GBP6: variants seen among roughly 807,000 people sequenced by gnomAD.
GBP6 encodes the protein guanylate-binding protein 6.
Under a neutral mutation model 61.5 loss-of-function variants are expected in GBP6, and 54 were observed. The ratio of observed to expected loss-of-function variants is 0.88; its 90% CI spans 0.71 to 1.10. The LOEUF (loss-of-function observed/expected upper bound fraction) is 1.10, where lower values mean the gene tolerates loss of function less well. Among genes scored for constraint, GBP6 ranks in the 50% least tolerant of loss-of-function variants. GBP6 has a pLI of 0.00. For missense variants in GBP6, 748 were observed against 752.8 expected (o/e 0.99, Z 0.07); for synonymous variants, 255 against 273.7 (o/e 0.93, Z 0.67).
intron 3 of GBP6, among the ~76,000 whole-genome samples, chr1:89,370,415 A>C (rs938613761): frequency 2.6e-5 from 4 of 152,212 alleles, no homozygotes; most frequent in Admixed American, 2.6e-4. Flanking sequence ...AAGCTCATCA[A>C]TTACCCACAG....
At chr1:89,384,398 C>T (rs1653078320) in intron 10 of GBP6, 112 bp downstream of exon 10, 2 of 791,502 alleles carry the variant, frequency 2.5e-6, no homozygotes, top group African/African-American at 3.5e-5. Flanking sequence ...CCATTTGCTG[C>T]TTGGCAATCA....
In GBP6 at chr1:89,380,621, C is replaced by A; in HGVS notation, c.861C>A (p.Val287=). 1 of 1,613,440 alleles carries A rather than the reference C, an allele frequency of 6.2e-7. No homozygotes were observed. The highest frequency in any genetic ancestry group is 1.1e-5 in the South Asian group (1 of 90,998). The change falls in exon 6 of 11, where the codon GTC becomes GTA. Residue 287 remains valine (V), a synonymous_variant. Coordinates refer to ENST00000370456, the MANE Select transcript of GBP6 (RefSeq NM_198460.3). ...RTKTLREGIT[V]TGNRLGTLAV... Reference sequence around the variant, plus strand: ...AGACCCTCAGGGAGGGAATCACAGTCACTGGGAATCGTGAGTCTCCTTTTT... The same window carrying A: ...AGACCCTCAGGGAGGGAATCACAGTAACTGGGAATCGTGAGTCTCCTTTTT...
intron 5 of GBP6, among the ~76,000 whole-genome samples, chr1:89,379,351 G>T (rs1014273853): frequency 1.0e-4 from 14 of 136,120 alleles, no homozygotes; most frequent in Admixed American, 1.6e-4. Context: ...AACATTGGGG[G>T]GGGGGGGTCA....
intron 10 of GBP6, 94 bp downstream of exon 10, chr1:89,384,380 G>A (rs1653077515): frequency 3.1e-6 from 3 of 955,192 alleles, no homozygotes; most frequent in South Asian, 1.9e-5. Flanking sequence ...ATGAAAGGAA[G>A]CACATCACCA....
chr1:89,380,631 C>A lies in GBP6; in HGVS notation c.871C>A (p.Arg291Ser). 2 of 1,612,552 alleles carry A rather than the reference C, an allele frequency of 1.2e-6. No homozygotes were observed. The highest frequency in any genetic ancestry group is 1.1e-5 in the South Asian group (1 of 90,894). Reference protein sequence around the residue: ...LREGITVTGNRLGTLAVTYVE... With the variant: ...LREGITVTGNSLGTLAVTYVE... ...GGAGGGAATCACAGTCACTGGGAAT[C>A]GTGAGTCTCCTTTTTACTTTTCTGT... Residue 291 changes from arginine to serine, a missense_variant and splice_region_variant, in exon 6 of 11, where the codon CGT (arginine) becomes AGT (serine). Arg to Ser is a moderately radical substitution (Grantham distance 110). Coordinates refer to ENST00000370456, the MANE Select transcript of GBP6 (RefSeq NM_198460.3).
At chr1:89,371,328 G>C (rs1202788394) in intron 3 of GBP6, among the ~76,000 whole-genome samples, 4 of 152,124 alleles carry the variant, frequency 2.6e-5, no homozygotes, top group African/African-American at 7.2e-5. Flanking sequence ...GCATCATCCT[G>C]ATACCAAAGC....
At chr1:89,377,350 C>G (rs1186925782) in intron 3 of GBP6, among the ~76,000 whole-genome samples, 1 of 152,136 alleles carries the variant, frequency 6.6e-6, no homozygotes, top group East Asian at 1.9e-4. Flanking sequence ...TTCTGTGGGT[C>G]TTTCTACTTG....
rs973224523 is a variant in GBP6 at position 89,386,371 on chromosome 1, A to G, written c.*902A>G. On this transcript the variant is annotated 3_prime_UTR_variant, in exon 11 of 11. Coordinates refer to ENST00000370456, the MANE Select transcript of GBP6 (RefSeq NM_198460.3). ...TTATACTCTTGAATTTTGTAAAGAA[A>G]TCTTATTTTACCGATTCAGAAATAA... The G allele has an allele frequency of 6.6e-6, 1 of 152,226 alleles. No homozygotes were observed. The highest frequency in any genetic ancestry group is 2.4e-5 in the African/African-American group (1 of 41,454). 9.4% of individuals were successfully genotyped at this position (152,226 alleles called of 1,614,324 possible). A position where few individuals can be genotyped will look rare whatever the true frequency, so the allele number is the denominator to read the frequency against.
chr1:89,375,745 G>T (rs1437896402), intron 3 of GBP6, among the ~76,000 whole-genome samples: 1 of 152,060 alleles, frequency 6.6e-6, no homozygotes, highest in East Asian at 1.9e-4. Context: ...GTTACCTGAA[G>T]CATTTTAATT....
intron 6 of GBP6, among the ~76,000 whole-genome samples, 176 bp from the exon 7 acceptor site, chr1:89,381,515 TGAA>T (rs911913667): frequency 6.6e-6 from 1 of 152,046 alleles, no homozygotes; most frequent in African/African-American, 2.4e-5. Context: ...TCCATAAAAT[TGAA>T]GAGTCATTAT....
intron 3 of GBP6, among the ~76,000 whole-genome samples, chr1:89,370,189 T>C (rs1010099973): frequency 2.6e-5 from 4 of 152,202 alleles, no homozygotes; most frequent in African/African-American, 9.6e-5. Flanking sequence ...TGGAAAACTT[T>C]CTCATTAAGA....
intron 1 of GBP6, among the ~76,000 whole-genome samples, chr1:89,366,000 A>G (rs947758221): frequency 9.9e-5 from 15 of 152,216 alleles, no homozygotes; most frequent in Non-Finnish European, 1.5e-5. Flanking sequence ...TAATGGCAAT[A>G]AAAATGTGCC....
chr1:89,364,872 C>G (rs1374699922), intron 1 of GBP6, among the ~76,000 whole-genome samples: 1 of 151,372 alleles, frequency 6.6e-6, no homozygotes, highest in Non-Finnish European at 1.5e-5. Flanking sequence ...TGGTGGTTTG[C>G]TGCACCTATC....
In GBP6 at chr1:89,368,743, T is replaced by TA; in HGVS notation, c.190+4dup. The TA allele has an allele frequency of 6.2e-7, 1 of 1,610,520 alleles. No individual in the cohort carries two copies. On this transcript the variant is annotated splice_region_variant and intron_variant, in intron 2 of 10. Transcript: ENST00000370456. ...ACCATCTGGCAGGACAGAATCATGG[T>TA]AAGTGGTATCCTGGGACACAGGCCA...
Position 89,385,391 on chromosome 1 carries a change from G to A in GBP6, c.1824G>A (p.Leu608=), listed in dbSNP as rs758138994. The A allele has an allele frequency of 6.2e-7, 1 of 1,614,116 alleles. No individual in the cohort carries two copies. Among genetic ancestry groups the A allele is most frequent in the Admixed American group, 1.7e-5 (1 of 60,024 alleles). Residue 608 remains leucine, a synonymous_variant, in exon 11 of 11, where the codon TTG becomes TTA. Coordinates refer to ENST00000370456, the MANE Select transcript of GBP6 (RefSeq NM_198460.3). The part of the protein sequence containing the change: ...DNLADELTAI[L]SAPAKLIGHG... ...TTGCCGATGAGCTAACTGCAATATT[G>A]TCTGCTCCTGCTAAATTAATTGGTC... is the stretch of plus-strand genomic sequence containing the variant.
intron 3 of GBP6, among the ~76,000 whole-genome samples, chr1:89,374,920 C>G (rs1652763261): frequency 6.6e-6 from 1 of 152,012 alleles, no homozygotes; most frequent in Admixed American, 6.6e-5. Context: ...CTCCCTCTTC[C>G]CCTCCCACAC....
rs58167248 is a variant in GBP6, at chr1:89,384,674, C to T, written c.1662+388C>T. On this transcript the variant is annotated intron_variant, in intron 10 of 10. Coordinates refer to ENST00000370456, the MANE Select transcript of GBP6 (RefSeq NM_198460.3). The stretch of plus-strand genomic sequence containing the variant: ...CCACATATTACCAGGAGCTCTAGTA[C>T]CATCCAAACACCCTGAGGTAGATCC... Among the ~76,000 whole-genome samples, 768 of 152,284 alleles carry T rather than the reference C, an allele frequency of 5.0e-3. 2 individuals carry two copies. The highest frequency in any genetic ancestry group is 0.018 in the African/African-American group (730 of 41,550).
At chr1:89,379,412 G>A (rs932420786) in intron 5 of GBP6, among the ~76,000 whole-genome samples, 2 of 151,982 alleles carry the variant, frequency 1.3e-5, no homozygotes, top group African/African-American at 4.8e-5. Context: ...ACATCAACAT[G>A]TTACACAGAT....
At chr1:89,370,998 G>T (rs11576337) in intron 3 of GBP6, among the ~76,000 whole-genome samples, 1 of 151,864 alleles carries the variant, frequency 6.6e-6, no homozygotes, top group Non-Finnish European at 1.5e-5. Context: ...TTCATTTCTC[G>T]CATCCCCAGC....
Sources: gnomAD v4.1 joint callset for allele counts (sites outside exome capture counted in the v4.1 genomes callset) on GRCh38, gnomAD v4.1.1 for gene constraint, MANE v1.5 for transcripts, NCBI Gene and HGNC (gene_info 2026-07-23, HGNC 2026-07-21) for gene names.